Variants in RBBP4 observed in about 807,000 individuals in gnomAD.
The protein encoded by RBBP4 is RB binding protein 4, chromatin remodeling factor, also known as histone-binding protein RBBP4.
A neutral mutation model predicts 57.2 loss-of-function variants in RBBP4; 3 were observed. The ratio of observed to expected loss-of-function variants is 0.05; its 90% CI spans 0.02 to 0.14. RBBP4 has a LOEUF of 0.14. Ranked by LOEUF, RBBP4 falls within the 10% of genes least tolerant of loss-of-function variation. The pLI is 1.00. For synonymous variants in RBBP4, 151 were observed against 171.5 expected (o/e 0.88, Z 0.93); for missense variants, 107 against 520.6 (o/e 0.21, Z 7.73).
chr1:32,675,677 G>A (rs921379105), intron 11 of RBBP4, among the ~76,000 whole-genome samples: 2 of 152,218 alleles, frequency 1.3e-5, no homozygotes, highest in Non-Finnish European at 2.9e-5. Flanking sequence ...GCTGAGGCAG[G>A]AGAATGGCGT....
chr1:32,651,769 G>T (rs553019257), intron 1 of RBBP4, 145 bp from the exon 2 acceptor site: 19 of 995,758 alleles, frequency 1.9e-5, no homozygotes, highest in Admixed American at 2.7e-5. Context: ...CGCGAAAGTG[G>T]AGAGTGTGGA....
intron 11 of RBBP4, among the ~76,000 whole-genome samples, chr1:32,675,413 C>CT (rs940262250): frequency 1.3e-5 from 2 of 151,448 alleles, no homozygotes; most frequent in Non-Finnish European, 3.0e-5. Flanking sequence ...TACATCCATA[C>CT]TTTTTTTTTC....
rs766439189 is a variant in RBBP4, at chr1:32,672,781, C to T, written c.1102-10C>T. 20 of 1,609,680 alleles carry T rather than the reference C, an allele frequency of 1.2e-5. No individual in the cohort carries two copies. Among genetic ancestry groups the T allele is most frequent in the Middle Eastern group, 1.6e-4 (1 of 6,082 alleles). ...TGCATTTCACCTCTTTGTTTTCTTCCCTCTTTCAGTTTATTCATGGTGGTC... is the reference window on the plus strand; with the variant it reads ...TGCATTTCACCTCTTTGTTTTCTTCTCTCTTTCAGTTTATTCATGGTGGTC... On this transcript the variant is annotated splice_polypyrimidine_tract_variant and intron_variant, in intron 10 of 11. Transcript: ENST00000373493.
chr1:32,660,366 C>G (rs1464470160), intron 3 of RBBP4, among the ~76,000 whole-genome samples: 1 of 152,090 alleles, frequency 6.6e-6, no homozygotes, highest in Non-Finnish European at 1.5e-5. Flanking sequence ...ACCTATGCCT[C>G]CCAAGTAGCT....
At chr1:32,675,717 C>T (rs940023451) in intron 11 of RBBP4, among the ~76,000 whole-genome samples, 4 of 151,696 alleles carry the variant, frequency 2.6e-5, no homozygotes, top group Non-Finnish European at 5.9e-5. Context: ...TGCAGTGAGC[C>T]GAGATCGTGC....
At chr1:32,661,536 C>A in intron 3 of RBBP4, among the ~76,000 whole-genome samples, 1 of 151,968 alleles carries the variant, frequency 6.6e-6, no homozygotes, top group East Asian at 1.9e-4. Flanking sequence ...TCAGGTGATC[C>A]ACCTGCGTCA....
chr1:32,655,246 G>T (rs1000875572), intron 2 of RBBP4, among the ~76,000 whole-genome samples: 8 of 152,036 alleles, frequency 5.3e-5, no homozygotes, highest in Admixed American at 4.6e-4. Flanking sequence ...CAAAGTGCTG[G>T]GATTACAGAC....
In RBBP4 at chr1:32,684,010, CT is replaced by C. The variant is rs780099667; in HGVS notation, c.*4307del. The C allele has an allele frequency of 1.9e-6, 3 of 1,613,844 alleles. No individual in the cohort carries two copies. Among genetic ancestry groups the C allele is most frequent in the Non-Finnish European group, 1.7e-6 (2 of 1,179,766 alleles). On this transcript the variant is annotated 3_prime_UTR_variant, in exon 12 of 12. Transcript: ENST00000373493. ...CCACTCTTCTCTTCACAAAGATCAC[CT>C]TGAGACTGTGTCTCCATTCCACCTG...
At position 32,668,977 on chromosome 1, in the gene RBBP4, C is replaced by A. The variant is rs575009341; in HGVS notation, c.606C>A (p.Ile202=). 1 of 1,614,082 alleles carries A rather than the reference C, an allele frequency of 6.2e-7. No individual in the cohort carries two copies. The highest frequency in any genetic ancestry group is 1.1e-5 in the South Asian group (1 of 91,080). Residue 202 remains isoleucine, a synonymous_variant, in exon 6 of 12, where the codon ATC becomes ATA. Coordinates refer to ENST00000373493, the MANE Select transcript of RBBP4 (RefSeq NM_005610.3). ...TGGTTAATTTTACATTTAAGACCATCTGCCTGTGGGACATCAGTGCCGTTC... is the reference window on the plus strand; with the variant it reads ...TGGTTAATTTTACATTTAAGACCATATGCCTGTGGGACATCAGTGCCGTTC... ...HLLSASDDHT[I]CLWDISAVPK... is the part of the protein sequence containing the mutation.
intron 11 of RBBP4, chr1:32,673,458 G>A: frequency 7.2e-6 from 3 of 414,310 alleles, no homozygotes; most frequent in East Asian, 1.6e-4. Flanking sequence ...TTTTTTTTGA[G>A]ATGGTCTCTC....
At position 32,682,053 on chromosome 1, in the gene RBBP4, TTTCTC is replaced by T. The variant is rs1649475364; in HGVS notation, c.*2350_*2354del. ...GGTGATGGGAGGGATAGTTAAACGT[TTTCTC>T]TGCTAGGTTAACTTCTTACAGGTAT... On this transcript the variant is annotated 3_prime_UTR_variant, in exon 12 of 12. Transcript: ENST00000373493. The T allele has an allele frequency of 3.5e-6, 2 of 574,816 alleles. No homozygotes were observed. Among genetic ancestry groups the T allele is most frequent in the Non-Finnish European group, 6.2e-6 (2 of 322,514 alleles). 35.6% of individuals were successfully genotyped at this position (574,816 alleles called of 1,614,324 possible).
intron 3 of RBBP4, among the ~76,000 whole-genome samples, chr1:32,660,731 A>T (rs926228073): frequency 1.7e-4 from 26 of 151,420 alleles, no homozygotes; most frequent in African/African-American, 6.3e-4. Flanking sequence ...TGGGACTTTT[A>T]TGTTTGGGCC....
At chr1:32,660,162 G>A (rs1238309431) in intron 3 of RBBP4, among the ~76,000 whole-genome samples, 1 of 152,046 alleles carries the variant, frequency 6.6e-6, no homozygotes, top group African/African-American at 2.4e-5. Flanking sequence ...CTTCATATAA[G>A]GTAAATTATA....
At chr1:32,671,847 C>T (rs1272905018) in intron 8 of RBBP4, among the ~76,000 whole-genome samples, 9 of 151,562 alleles carry the variant, frequency 5.9e-5, no homozygotes, top group Non-Finnish European at 1.5e-5. Context: ...GAGCTGAGAT[C>T]CTGCCATTGT....
At chr1:32,656,473 C>T (rs1459048594) in intron 2 of RBBP4, among the ~76,000 whole-genome samples, 1 of 152,214 alleles carries the variant, frequency 6.6e-6, no homozygotes, top group Non-Finnish European at 1.5e-5. Flanking sequence ...CTGTCGCAGC[C>T]TCCTGAGTAG....
In RBBP4 at chr1:32,659,107, AAT is replaced by A. The variant is rs1044370829; in HGVS notation, c.310+1543_310+1544del. Reference sequence around the variant, plus strand: ...ATGTGTATATATTTATATTGTGTGTAATATATATAATTTATATATACATATAA... The same window carrying A: ...ATGTGTATATATTTATATTGTGTGTAATATATAATTTATATATACATATAA... On this transcript the variant is annotated intron_variant, in intron 3 of 11. Transcript: ENST00000373493. Among the ~76,000 whole-genome samples, 21 of 145,754 alleles carry A rather than the reference AAT, an allele frequency of 1.4e-4. No homozygotes were observed. In the East Asian group the frequency reaches 1.6e-3, roughly 11 times the overall value.
At chr1:32,658,775 G>A (rs1158133620) in intron 3 of RBBP4, among the ~76,000 whole-genome samples, 4 of 151,474 alleles carry the variant, frequency 2.6e-5, no homozygotes, top group Admixed American at 6.6e-5. Context: ...CTCGAACTCC[G>A]GACCTCAAAT....
At chr1:32,653,101 G>A (rs1220968042) in intron 2 of RBBP4, among the ~76,000 whole-genome samples, 1 of 152,062 alleles carries the variant, frequency 6.6e-6, no homozygotes, top group African/African-American at 2.4e-5. Flanking sequence ...TAGTAGAGGG[G>A]ATAAAATAGC....
rs1314545709 is a variant in RBBP4 at position 32,681,818 on chromosome 1, T to A, written c.*2113T>A. On this transcript the variant is annotated 3_prime_UTR_variant, in exon 12 of 12. Transcript: ENST00000373493. ...GATCCTTTGCTAAGAAGTTTTTTGCTGTTTCCGGGTTACAGATTTGGCCAT... is the reference window on the plus strand; with the variant it reads ...GATCCTTTGCTAAGAAGTTTTTTGCAGTTTCCGGGTTACAGATTTGGCCAT... 1 of 1,614,194 alleles carries A rather than the reference T, an allele frequency of 6.2e-7. No individual in the cohort carries two copies. The highest frequency in any genetic ancestry group is 2.2e-5 in the East Asian group (1 of 44,882).
Sources: allele counts gnomAD v4.1 joint callset (sites outside exome capture counted in the v4.1 genomes callset), GRCh38; gene constraint gnomAD v4.1.1; transcripts MANE v1.5; gene names NCBI Gene and HGNC (gene_info 2026-07-23, HGNC 2026-07-21).